ABCA13: variants seen among roughly 807,000 people sequenced by gnomAD.
The protein encoded by ABCA13 is ATP-binding cassette sub-family A member 13.
In ABCA13, 476 loss-of-function variants were observed where a neutral mutation model predicts 478.7. The ratio of observed to expected loss-of-function variants is 0.99; its 90% CI spans 0.92 to 1.07. ABCA13 has a LOEUF of 1.07. Ranked by LOEUF, ABCA13 falls within the 50% of genes least tolerant of loss-of-function variation. ABCA13 has a pLI of 0.00. For synonymous variants in ABCA13, 2,252 were observed against 2,158.9 expected, an observed-to-expected ratio of 1.04 and a Z score of -1.20; for missense variants, 6,060 against 5,910.6, an observed-to-expected ratio of 1.03 and a Z score of -0.83.
At chr7:48,256,133 C>A (rs898904951) in intron 15 of ABCA13, among the ~76,000 whole-genome samples, 2 of 152,100 alleles carry the variant, frequency 1.3e-5, no homozygotes, top group African/African-American at 4.8e-5. Context: ...CTTTTGCCTA[C>A]TTTTTAATGG....
rs113425599 is a variant in ABCA13, at chr7:48,416,852, G to T, written c.12459+4269G>T. 5.6e-3 allele frequency among the ~76,000 whole-genome samples: 857 copies of T among 151,984 alleles called. 7 individuals are homozygous for T. The highest frequency in any genetic ancestry group is 0.019 in the African/African-American group (804 of 41,466). On this transcript the variant is annotated intron_variant, in intron 41 of 61. Transcript: ENST00000435803. ...CCCCACTCTCTTCCCTACAGAGCTCGGGCCTGTTAAGAGCTTGCTGTACTT... is the reference window on the plus strand; with the variant it reads ...CCCCACTCTCTTCCCTACAGAGCTCTGGCCTGTTAAGAGCTTGCTGTACTT...
chr7:48,298,184 T>C (rs1440242898), intron 22 of ABCA13, among the ~76,000 whole-genome samples, 182 bp from the exon 23 acceptor site: 1 of 152,232 alleles, frequency 6.6e-6, no homozygotes, highest in African/African-American at 2.4e-5. Flanking sequence ...TTTTGGTTTA[T>C]TGTCATATAA....
At position 48,410,605 on chromosome 7, in the gene ABCA13, C is replaced by T; in HGVS notation, c.12156C>T (p.Leu4052=). 6.2e-7 allele frequency: 1 copy of T among 1,614,050 alleles called. No homozygotes were observed. The highest frequency in any genetic ancestry group is 8.5e-7 in the Non-Finnish European group (1 of 1,179,890). The change falls in exon 40 of 62, where the codon CTC becomes CTT. Residue 4052 remains leucine (L), a synonymous_variant. Transcript: ENST00000435803. The stretch of plus-strand genomic sequence containing the variant: ...TGGCCGTCCTCCAGCATGGGAGGCT[C>T]AGGTGCTGCGGTCCTCCCTTCTGCC... ...DRVAVLQHGR[L]RCCGPPFCLK...
chr7:48,560,843 C>A (rs1458539897), intron 55 of ABCA13, among the ~76,000 whole-genome samples: 1 of 152,108 alleles, frequency 6.6e-6, no homozygotes, highest in African/African-American at 2.4e-5. Flanking sequence ...TATGCTTTGA[C>A]TATTATCTTC....
intron 29 of ABCA13, among the ~76,000 whole-genome samples, chr7:48,340,735 A>C (rs1807026957): frequency 6.6e-6 from 1 of 152,220 alleles, no homozygotes; most frequent in Non-Finnish European, 1.5e-5. Flanking sequence ...TTTGTTCAAC[A>C]CATTGCTGCT....
chr7:48,411,839 C>T (rs1341018995), intron 40 of ABCA13, among the ~76,000 whole-genome samples: 1 of 152,146 alleles, frequency 6.6e-6, no homozygotes, highest in African/African-American at 2.4e-5. Flanking sequence ...CTGTATTTGA[C>T]CCTTGGTGGC....
chr7:48,417,651 G>A (rs1164389659), intron 41 of ABCA13, among the ~76,000 whole-genome samples: 3 of 152,066 alleles, frequency 2.0e-5, no homozygotes, highest in African/African-American at 7.2e-5. Context: ...CTGCAGAATG[G>A]CTCATTTGTT....
At chr7:48,530,779 C>G (rs1282140194) in intron 55 of ABCA13, among the ~76,000 whole-genome samples, 1 of 151,912 alleles carries the variant, frequency 6.6e-6, no homozygotes, top group Non-Finnish European at 1.5e-5. Flanking sequence ...AGTCATTTGT[C>G]TATCTTCTTT....
chr7:48,355,362 G>A (rs71547882), intron 31 of ABCA13, among the ~76,000 whole-genome samples: 1 of 151,962 alleles, frequency 6.6e-6, no homozygotes, highest in Non-Finnish European at 1.5e-5. Context: ...GAGTGGCCTA[G>A]GGTATGTGTG....
At position 48,510,929 on chromosome 7, in the gene ABCA13, G is replaced by A. The variant is rs549090553; in HGVS notation, c.13525-155G>A. ...GGGTACAACTCAGATTAAAACAAGC[G>A]ACTTTCCAGGACTAATTCCACGGCT... On this transcript the variant is annotated intron_variant, in intron 50 of 61. Coordinates refer to ENST00000435803, the MANE Select transcript of ABCA13 (RefSeq NM_152701.5). Among the ~76,000 whole-genome samples, 11 of 152,262 alleles carry A rather than the reference G, an allele frequency of 7.2e-5. No individual in the cohort carries two copies. In the East Asian group the frequency reaches 9.6e-4, roughly 13 times the overall value.
chr7:48,240,118 G>A (rs1374093781), intron 9 of ABCA13, among the ~76,000 whole-genome samples: 2 of 152,112 alleles, frequency 1.3e-5, no homozygotes, highest in Non-Finnish European at 2.9e-5. Flanking sequence ...TTTGTTCTCC[G>A]CTAATATGTG....
At position 48,268,969 on chromosome 7, in the gene ABCA13, T is replaced by A. The variant is rs769137620; in HGVS notation, c.2006-11T>A. The stretch of plus-strand genomic sequence containing the variant: ...GTTTATAATTAATGTAGAAAATGTC[T>A]TTTTATTTAGCTTTTCCTGAGGAAT... On this transcript the variant is annotated splice_polypyrimidine_tract_variant and intron_variant, in intron 15 of 61. Transcript: ENST00000435803. 8 of 1,453,230 alleles carry A rather than the reference T, an allele frequency of 5.5e-6. No homozygotes were observed. In the Admixed American group the frequency reaches 1.4e-4, roughly 26 times the overall value. The allele number at this position is 1,453,230 out of a possible 1,614,324, so 90.0% of individuals were successfully genotyped here.
At chr7:48,411,050 T>TCTTTCC (rs369120669) in intron 40 of ABCA13, among the ~76,000 whole-genome samples, 117 of 62,122 alleles carry the variant, frequency 1.9e-3, no homozygotes, top group East Asian at 6.7e-3. Context: ...TTTCTTTCTT[T>TCTTTCC]TTCTTTCTTT....
At chr7:48,536,517 G>A (rs1412114456) in intron 55 of ABCA13, among the ~76,000 whole-genome samples, 1 of 151,952 alleles carries the variant, frequency 6.6e-6, no homozygotes, top group African/African-American at 2.4e-5. Context: ...GCGTGGTGGT[G>A]TGTGCCTGTA....
At chr7:48,396,189 C>A (rs971792949) in intron 38 of ABCA13, among the ~76,000 whole-genome samples, 2 of 152,214 alleles carry the variant, frequency 1.3e-5, no homozygotes, top group Non-Finnish European at 2.9e-5. Context: ...CTTCAAGGAC[C>A]AGATCCCCTC....
chr7:48,604,903 G>T (rs935335017), intron 58 of ABCA13, among the ~76,000 whole-genome samples: 1 of 152,134 alleles, frequency 6.6e-6, no homozygotes, highest in African/African-American at 2.4e-5. Context: ...TTATGAATCT[G>T]GGTGCTCCTG....
intron 48 of ABCA13, among the ~76,000 whole-genome samples, chr7:48,505,128 C>T (rs1467034622): frequency 1.3e-5 from 2 of 152,084 alleles, no homozygotes. Flanking sequence ...TTCTGGAAAA[C>T]TGTACAGTGG....
intron 14 of ABCA13, among the ~76,000 whole-genome samples, chr7:48,248,725 T>A (rs1792077849): frequency 6.6e-6 from 1 of 152,176 alleles, no homozygotes; most frequent in Non-Finnish European, 1.5e-5. Flanking sequence ...GAAGTTCTTG[T>A]TAATTACTCA....
At chr7:48,420,966 C>T (rs1200649379) in intron 41 of ABCA13, among the ~76,000 whole-genome samples, 1 of 152,050 alleles carries the variant, frequency 6.6e-6, no homozygotes, top group East Asian at 1.9e-4. Flanking sequence ...GTCCAGACCA[C>T]GTATTTTGCA....
Sources: allele counts gnomAD v4.1 joint callset (sites outside exome capture counted in the v4.1 genomes callset), GRCh38; gene constraint gnomAD v4.1.1; transcripts MANE v1.5; gene names NCBI Gene and HGNC (gene_info 2026-07-23, HGNC 2026-07-21).